RTN4RL1: variants seen among roughly 807,000 people sequenced by gnomAD.
The protein encoded by RTN4RL1 is reticulon-4 receptor-like 1.
RTN4RL1 carries 7 observed loss-of-function variants against 25.6 expected under a neutral mutation model. The ratio of observed to expected loss-of-function variants is 0.27; its 90% CI spans 0.16 to 0.51. The LOEUF (loss-of-function observed/expected upper bound fraction) is 0.51. Ranked by LOEUF, RTN4RL1 falls within the 20% of genes least tolerant of loss-of-function variation. RTN4RL1 has a pLI of 0.97. For synonymous variants in RTN4RL1, 297 were observed against 288.2 expected, an observed-to-expected ratio of 1.03 and a Z score of -0.31; for missense variants, 500 against 615.6, an observed-to-expected ratio of 0.81 and a Z score of 1.99.
intron 1 of RTN4RL1, among the ~76,000 whole-genome samples, chr17:1,978,686 G>C (rs1021875835): frequency 6.6e-6 from 1 of 152,224 alleles, no homozygotes; most frequent in African/African-American, 2.4e-5. Flanking sequence ...AGTGCGCACG[G>C]AGCATGGAGC....
chr17:1,966,961 A>G (rs77751093), intron 1 of RTN4RL1, among the ~76,000 whole-genome samples: 1 of 151,598 alleles, frequency 6.6e-6, no homozygotes, highest in African/African-American at 2.4e-5. Flanking sequence ...ATCCTCACAC[A>G]TCCCTCCCAG....
At chr17:1,952,171 G>C (rs1376993806) in intron 1 of RTN4RL1, among the ~76,000 whole-genome samples, 2 of 152,110 alleles carry the variant, frequency 1.3e-5, no homozygotes, top group African/African-American at 4.8e-5. Flanking sequence ...GTCAAAGTAA[G>C]TCACGGGGTC....
chr17:2,020,316 C>T (rs2151331243), intron 1 of RTN4RL1: 1 of 152,364 alleles, frequency 6.6e-6, no homozygotes, highest in South Asian at 2.1e-4. Flanking sequence ...TCTTCTCTCA[C>T]TCTCGCCACT....
At chr17:1,940,706 T>TC (rs1456802138) in intron 1 of RTN4RL1, among the ~76,000 whole-genome samples, 1 of 151,974 alleles carries the variant, frequency 6.6e-6, no homozygotes, top group Non-Finnish European at 1.5e-5. Context: ...GAGCCGACAC[T>TC]CCCCGTCTCT....
chr17:1,936,095 G>A lies in RTN4RL1; in HGVS notation c.*401C>T, dbSNP rs575898313. On this transcript the variant is annotated 3_prime_UTR_variant, in exon 2 of 2. Coordinates refer to ENST00000331238, the MANE Select transcript of RTN4RL1 (RefSeq NM_178568.4). ...GTGAGCCTCATTTGTTCTTCTCTGC[G>A]TCCTGCTTTCTCCAGGAACCACGGG... 5.2e-5 allele frequency: 53 copies of A among 1,015,560 alleles called. No homozygotes were observed. Among genetic ancestry groups the A allele is most frequent in the Middle Eastern group, 9.9e-4 (2 of 2,026 alleles). The allele number at this position is 1,015,560 out of a possible 1,614,324, so 62.9% of individuals were successfully genotyped here. A position where few individuals can be genotyped will look rare whatever the true frequency, so the allele number is the denominator to read the frequency against.
At chr17:1,968,431 C>G (rs1484945676) in intron 1 of RTN4RL1, among the ~76,000 whole-genome samples, 1 of 152,298 alleles carries the variant, frequency 6.6e-6, no homozygotes. Flanking sequence ...TCACTCATCT[C>G]CTGCCTTTGC....
chr17:1,987,794 T>C lies in RTN4RL1; in HGVS notation c.13+37059A>G, dbSNP rs112924309. The stretch of plus-strand genomic sequence containing the variant: ...GGACTTTCCACACATTATCCCACAA[T>C]ATCTCTGACCAGAAATAATTAAGCC... On this transcript the variant is annotated intron_variant, in intron 1 of 1. Transcript: ENST00000331238. 8.3e-3 allele frequency among the ~76,000 whole-genome samples: 1,260 copies of C among 151,716 alleles called. 24 individuals are homozygous for C. The highest frequency in any genetic ancestry group is 0.029 in the African/African-American group (1,198 of 41,312).
chr17:1,998,741 C>T lies in RTN4RL1; in HGVS notation c.13+26112G>A, dbSNP rs548705354. Among the ~76,000 whole-genome samples the T allele has an allele frequency of 1.1e-3, 151 of 140,396 alleles. No homozygotes were observed. The highest frequency in any genetic ancestry group is 1.6e-3 in the Admixed American group (23 of 14,030). 92.1% of individuals were successfully genotyped at this position (140,396 alleles called of 152,430 possible). ...CCCCTCACGGGCCTCGCAGCACAGACGGGGACAGGGGCGGCCTCGCGCGCA... is the reference window on the plus strand; with the variant it reads ...CCCCTCACGGGCCTCGCAGCACAGATGGGGACAGGGGCGGCCTCGCGCGCA... On this transcript the variant is annotated intron_variant, in intron 1 of 1. Coordinates refer to ENST00000331238, the MANE Select transcript of RTN4RL1 (RefSeq NM_178568.4). The surrounding 1 kb of genome is among the most constrained non-coding windows in gnomAD (Gnocchi z 4.9).
intron 1 of RTN4RL1, among the ~76,000 whole-genome samples, chr17:1,956,290 C>T (rs73288366): frequency 0.027 from 4,171 of 152,240 alleles, 188 homozygotes; most frequent in African/African-American, 0.094. Context: ...CAGCTCCTAA[C>T]GCGTACGGCG....
intron 1 of RTN4RL1, among the ~76,000 whole-genome samples, chr17:1,974,920 C>T (rs968190013): frequency 9.2e-5 from 14 of 152,236 alleles, no homozygotes; most frequent in Admixed American, 9.2e-4. Context: ...CCTTTACTAG[C>T]TGGGAAGGAA....
intron 1 of RTN4RL1, among the ~76,000 whole-genome samples, chr17:2,008,776 CCTGTCAAGCCTCT>C (rs1567525167): frequency 6.6e-6 from 1 of 152,122 alleles, no homozygotes; most frequent in Non-Finnish European, 1.5e-5. Context: ...TTCCAACCTT[CCTGTCAAGCCTCT>C]CTTCCTCTCA....
In RTN4RL1 at chr17:1,936,317, G is replaced by C. The variant is rs1353433767; in HGVS notation, c.*179C>G. The C allele has an allele frequency of 7.0e-7, 1 of 1,418,986 alleles. No homozygotes were observed. Among genetic ancestry groups the C allele is most frequent in the African/African-American group, 1.5e-5 (1 of 68,506 alleles). 87.9% of individuals were successfully genotyped at this position (1,418,986 alleles called of 1,614,324 possible). On this transcript the variant is annotated 3_prime_UTR_variant, in exon 2 of 2. Coordinates refer to ENST00000331238, the MANE Select transcript of RTN4RL1 (RefSeq NM_178568.4). ...AGAAGCGCCACCCCCTCCCGCCTAG[G>C]GCTGTACACTTTGGGTTTATAATCC... is the stretch of plus-strand genomic sequence containing the variant.
At chr17:2,018,559 CACAAA>C (rs1187809625) in intron 1 of RTN4RL1, among the ~76,000 whole-genome samples, 1 of 152,174 alleles carries the variant, frequency 6.6e-6, no homozygotes, top group Admixed American at 6.5e-5. Flanking sequence ...CCCAGCGCCC[CACAAA>C]ACAAATGTCA....
intron 1 of RTN4RL1, among the ~76,000 whole-genome samples, chr17:2,010,813 C>G (rs1438849385): frequency 6.6e-6 from 1 of 152,168 alleles, no homozygotes; most frequent in Non-Finnish European, 1.5e-5. Context: ...TCTTGAAATC[C>G]TGGGTTCGAG....
intron 1 of RTN4RL1, chr17:2,017,709 A>ACG (rs72531710): frequency 0.13 from 18,277 of 145,800 alleles, 1,513 homozygotes; most frequent in East Asian, 0.48. Context: ...ACACACACGC[A>ACG]CACACACTAT....
rs112734216 is a variant in RTN4RL1, at chr17:1,964,527, T to C, written c.14-26719A>G. 8.7e-3 allele frequency among the ~76,000 whole-genome samples: 1,324 copies of C among 152,084 alleles called. 5 individuals carry two copies. The highest frequency in any genetic ancestry group is 0.014 in the Non-Finnish European group (968 of 68,002). ...GCAGGTGGATCATGAGGTCAGGAGATTGAGACCATCCTGGCTAACATGGTG... is the reference window on the plus strand; with the variant it reads ...GCAGGTGGATCATGAGGTCAGGAGACTGAGACCATCCTGGCTAACATGGTG... On this transcript the variant is annotated intron_variant, in intron 1 of 1. Coordinates refer to ENST00000331238, the MANE Select transcript of RTN4RL1 (RefSeq NM_178568.4).
intron 1 of RTN4RL1, among the ~76,000 whole-genome samples, chr17:1,957,886 A>G (rs1469592000): frequency 6.6e-6 from 1 of 150,484 alleles, no homozygotes; most frequent in African/African-American, 2.5e-5. Flanking sequence ...ACAAACAAAC[A>G]AAGTGAGATG....
chr17:1,990,097 T>G (rs1412379480), intron 1 of RTN4RL1, among the ~76,000 whole-genome samples: 1 of 151,924 alleles, frequency 6.6e-6, no homozygotes, highest in Non-Finnish European at 1.5e-5. Context: ...TTTTTAATTA[T>G]CAAGGATGCA....
rs1301051103 is a variant in RTN4RL1 at position 1,998,906 on chromosome 17, G to A, written c.13+25947C>T. ...TCTCTACGCGCTCATCCCACGCGCA[G>A]AACAGACACAGGCCCTGCCCTCACC... On this transcript the variant is annotated intron_variant, in intron 1 of 1. Coordinates refer to ENST00000331238, the MANE Select transcript of RTN4RL1 (RefSeq NM_178568.4). This position sits in a 1 kb window ranked among gnomAD's most constrained non-coding sequence, Gnocchi z 4.9. Among the ~76,000 whole-genome samples, 1 of 151,886 alleles carries A rather than the reference G, an allele frequency of 6.6e-6. No homozygotes were observed. The highest frequency in any genetic ancestry group is 1.5e-5 in the Non-Finnish European group (1 of 68,014).
Sources: allele counts gnomAD v4.1 joint callset (sites outside exome capture counted in the v4.1 genomes callset), GRCh38; gene constraint gnomAD v4.1.1; non-coding constraint Gnocchi (gnomAD v3.1); transcripts MANE v1.5; gene names NCBI Gene and HGNC (gene_info 2026-07-23, HGNC 2026-07-21).